Variants in PABIR3 observed in about 807,000 individuals in gnomAD.
PABIR3 encodes the protein PABIR family member 3.
In PABIR3, 20 loss-of-function variants were observed where a neutral mutation model predicts 23.1. The ratio of observed to expected loss-of-function variants is 0.86; its 90% CI spans 0.61 to 1.26. The LOEUF (loss-of-function observed/expected upper bound fraction) is 1.26, where lower values mean the gene tolerates loss of function less well. PABIR3 is among the 50% of genes most tolerant of loss of function. PABIR3 has a pLI of 0.00. For synonymous variants in PABIR3, 69 were observed against 68.5 expected (o/e 1.01, Z -0.04); for missense variants, 189 against 195.4 (o/e 0.97, Z 0.20).
chrX:134,824,324 G>A (rs758012176), intron 3 of PABIR3, among the ~76,000 whole-genome samples: 1 of 111,706 alleles, frequency 9.0e-6, no homozygotes, highest in Non-Finnish European at 1.9e-5. Flanking sequence ...GAGATAAAAC[G>A]TGTGGCACAT....
At chrX:134,852,658 ATAATGATTACTTAAAAT>A in intron 9 of PABIR3, 125 bp from the exon 10 acceptor site, 1 of 363,088 alleles carries the variant, frequency 2.8e-6, no homozygotes, top group Non-Finnish European at 4.6e-6. Flanking sequence ...TTATGTCTGG[ATAATGATTACTTAAAAT>A]TGTTTTCTTT....
At position 134,854,298 on chromosome X, in the gene PABIR3, G is replaced by A; in HGVS notation, c.*81G>A. On this transcript the variant is annotated 3_prime_UTR_variant, in exon 11 of 11. Transcript: ENST00000645433. ...GAAACACACACATCAAGCAAACCAA[G>A]TCAGAGCAATGAGAATTGTACTGTA... The A allele has an allele frequency of 9.5e-7, 1 of 1,052,453 alleles. No homozygotes were observed. Among genetic ancestry groups the A allele is most frequent in the South Asian group, 2.3e-5 (1 of 44,310 alleles). The allele number at this position is 1,052,453 out of a possible 1,213,427, so 86.7% of individuals were successfully genotyped here. A position where few individuals can be genotyped will look rare whatever the true frequency, so the allele number is the denominator to read the frequency against.
chrX:134,807,762 G>A, intron 2 of PABIR3, 54 bp downstream of exon 2: 2 of 1,066,326 alleles, frequency 1.9e-6, no homozygotes, highest in East Asian at 3.2e-5. Flanking sequence ...AGGTGTTCGG[G>A]AAAGTGATTT....
chrX:134,828,348 C>T (rs1242984340), intron 3 of PABIR3, among the ~76,000 whole-genome samples: 1 of 110,998 alleles, frequency 9.0e-6, no homozygotes, highest in African/African-American at 3.3e-5. Context: ...GCCTTGGCCT[C>T]CCAAAGTGCT....
chrX:134,859,513 A>G (rs955044378), downstream of PABIR3, among the ~76,000 whole-genome samples: 1 of 111,423 alleles, frequency 9.0e-6, no homozygotes, highest in African/African-American at 3.3e-5. Flanking sequence ...GTTCCCCCTG[A>G]CACAGCACTC....
chrX:134,846,204 C>G (rs760626953), intron 6 of PABIR3, among the ~76,000 whole-genome samples: 2 of 111,370 alleles, frequency 1.8e-5, no homozygotes, highest in South Asian at 7.6e-4. Flanking sequence ...AACTCACTCA[C>G]TACCACGAGA....
At chrX:134,836,152 T>C (rs962374796) in intron 4 of PABIR3, among the ~76,000 whole-genome samples, 4 of 111,837 alleles carry the variant, frequency 3.6e-5, no homozygotes, top group Non-Finnish European at 7.5e-5. Context: ...TTTTAAATTT[T>C]TGGAGAGATG....
upstream of PABIR3, among the ~76,000 whole-genome samples, chrX:134,806,280 T>C (rs2080227489): frequency 8.9e-6 from 1 of 112,349 alleles, no homozygotes; most frequent in African/African-American, 3.2e-5. Flanking sequence ...TCTTTATTTT[T>C]TATATGAATA....
chrX:134,843,479 G>A (rs1259307726), intron 4 of PABIR3, among the ~76,000 whole-genome samples: 1 of 107,504 alleles, frequency 9.3e-6, no homozygotes. Flanking sequence ...ATCATTTGTT[G>A]AAAAGATTGT....
chrX:134,826,030 G>T (rs191927651), intron 3 of PABIR3, among the ~76,000 whole-genome samples: 6 of 110,044 alleles, frequency 5.5e-5, no homozygotes, highest in African/African-American at 2.0e-4. Flanking sequence ...CAGGGCTGAT[G>T]ATATGTATCT....
At chrX:134,842,872 T>G (rs1372516009) in intron 4 of PABIR3, among the ~76,000 whole-genome samples, 1 of 103,713 alleles carries the variant, frequency 9.6e-6, no homozygotes, top group African/African-American at 3.6e-5. Context: ...CACTCCAGCC[T>G]GGGCAACAGG....
At position 134,807,592 on chromosome X, in the gene PABIR3, C is replaced by T. The variant is rs370722079; in HGVS notation, c.-7C>T. ...AAAGCCTTGAGAACTTATTCCTCGACCCGGACATGGCACAGGAGAAAATGA... is the reference window on the plus strand; with the variant it reads ...AAAGCCTTGAGAACTTATTCCTCGATCCGGACATGGCACAGGAGAAAATGA... On this transcript the variant is annotated 5_prime_UTR_variant, in exon 2 of 11. Coordinates refer to ENST00000645433, the MANE Select transcript of PABIR3 (RefSeq NM_001388447.1). The T allele has an allele frequency of 2.0e-5, 24 of 1,208,600 alleles. No individual in the cohort carries two copies. The highest frequency in any genetic ancestry group is 3.5e-5 in the South Asian group (2 of 56,598).
the PABIR3 span, among the ~76,000 whole-genome samples, chrX:134,860,678 GA>G: frequency 2.4e-4 from 27 of 111,007 alleles, no homozygotes; most frequent in African/African-American, 5.9e-4. Flanking sequence ...AATCAATTAT[GA>G]AAAAAAACTT....
chrX:134,860,697 T>C, the PABIR3 span, among the ~76,000 whole-genome samples: 2 of 111,893 alleles, frequency 1.8e-5, no homozygotes, highest in East Asian at 5.6e-4. Flanking sequence ...CTTACTGTCT[T>C]CAACAAGTGG....
At chrX:134,850,962 C>T (rs183479666) in intron 9 of PABIR3, among the ~76,000 whole-genome samples, 17 of 111,855 alleles carry the variant, frequency 1.5e-4, no homozygotes, top group Admixed American at 1.2e-3. Context: ...CATTTTTGGC[C>T]AGATACAATA....
At chrX:134,832,394 C>CT (rs1162024470) in intron 4 of PABIR3, among the ~76,000 whole-genome samples, 1,788 of 76,991 alleles carry the variant, frequency 0.023, 349 homozygotes, top group African/African-American at 0.038. Context: ...GACTGGATCC[C>CT]TTTTTTTTTT....
At chrX:134,822,002 T>C in intron 3 of PABIR3, 7 of 759,557 alleles carry the variant, frequency 9.2e-6, no homozygotes, top group Non-Finnish European at 1.1e-5. Context: ...AAGCTTGGTT[T>C]TTCCTCCTAT....
chrX:134,848,210 G>A (rs1482412594), intron 8 of PABIR3, among the ~76,000 whole-genome samples: 1 of 110,187 alleles, frequency 9.1e-6, no homozygotes, highest in Non-Finnish European at 1.9e-5. Flanking sequence ...GAGCAACATG[G>A]AGAAACCCCG....
intron 2 of PABIR3, chrX:134,810,883 A>G: frequency 1.3e-6 from 1 of 753,902 alleles, no homozygotes. Context: ...AAGAAGTAAC[A>G]TAGGAATGAT....
Sources: allele counts gnomAD v4.1 joint callset (sites outside exome capture counted in the v4.1 genomes callset), GRCh38; gene constraint gnomAD v4.1.1; transcripts MANE v1.5; gene names NCBI Gene and HGNC (gene_info 2026-07-23, HGNC 2026-07-21).